ZBTB5: variants seen among roughly 807,000 people sequenced by gnomAD.
ZBTB5 encodes the protein zinc finger and BTB domain-containing protein 5.
ZBTB5 carries 15 observed loss-of-function variants against 37.9 expected under a neutral mutation model. That is an observed-to-expected ratio of 0.40 (90% CI 0.26 to 0.61). The LOEUF is 0.61. ZBTB5 is among the 20% of genes least tolerant of loss of function. The pLI is 0.47. For synonymous variants in ZBTB5, 315 were observed against 312.4 expected (o/e 1.01, Z -0.09); for missense variants, 708 against 856.8 (o/e 0.83, Z 2.17).
At chr9:37,462,680 C>T (rs534260812) in intron 1 of ZBTB5, among the ~76,000 whole-genome samples, 16 of 151,934 alleles carry the variant, frequency 1.1e-4, no homozygotes, top group Non-Finnish European at 1.8e-4. Context: ...TCTTCCGCCT[C>T]GGCCTCCTGA....
At chr9:37,450,560 A>G (rs918438162) in intron 1 of ZBTB5, among the ~76,000 whole-genome samples, 2 of 152,220 alleles carry the variant, frequency 1.3e-5, no homozygotes, top group African/African-American at 2.4e-5. Context: ...GGAGATGTCA[A>G]TAGATAATGC....
chr9:37,458,277 G>C (rs1056307934), intron 1 of ZBTB5, among the ~76,000 whole-genome samples: 2 of 152,198 alleles, frequency 1.3e-5, no homozygotes, highest in African/African-American at 4.8e-5. Flanking sequence ...CCCTACATCT[G>C]TTATTAAGTC....
intron 1 of ZBTB5, among the ~76,000 whole-genome samples, chr9:37,448,831 G>A (rs1307477790): frequency 1.3e-5 from 2 of 152,234 alleles, no homozygotes; most frequent in Non-Finnish European, 2.9e-5. Flanking sequence ...CAAACACGAG[G>A]TCAAGAGAGC....
At position 37,439,656 on chromosome 9, in the gene ZBTB5, TG is replaced by T. The variant is rs1823818709; in HGVS notation, c.*861del. The T allele has an allele frequency of 6.6e-6, 1 of 152,152 alleles. No homozygotes were observed. The highest frequency in any genetic ancestry group is 1.5e-5 in the Non-Finnish European group (1 of 68,040). 9.4% of individuals were successfully genotyped at this position (152,152 alleles called of 1,614,324 possible). A position where few individuals can be genotyped will look rare whatever the true frequency, so the allele number is the denominator to read the frequency against. On this transcript the variant is annotated 3_prime_UTR_variant, in exon 2 of 2. Coordinates refer to ENST00000307750, the MANE Select transcript of ZBTB5 (RefSeq NM_014872.3). The stretch of plus-strand genomic sequence containing the variant: ...GACGGAGCAACAGGTAAATGTGCCA[TG>T]GAAGACCCCACAAAACATGACTCCA...
At chr9:37,445,095 GAAAAA>G (rs768158327) in intron 1 of ZBTB5, among the ~76,000 whole-genome samples, 1 of 139,154 alleles carries the variant, frequency 7.2e-6, no homozygotes, top group Admixed American at 7.2e-5. Context: ...TTAACTCCAG[GAAAAA>G]AAAAAAAGGT....
chr9:37,445,997 C>T (rs1418968322), intron 1 of ZBTB5, among the ~76,000 whole-genome samples: 1 of 152,076 alleles, frequency 6.6e-6, no homozygotes, highest in East Asian at 1.9e-4. Context: ...TCCCAGTGTA[C>T]TTGGGAGGCT....
intron 1 of ZBTB5, among the ~76,000 whole-genome samples, chr9:37,450,028 C>T (rs1824073410): frequency 6.6e-6 from 1 of 152,102 alleles, no homozygotes; most frequent in Admixed American, 6.6e-5. Context: ...TCCCCATGTG[C>T]TATATAAACG....
intron 1 of ZBTB5, among the ~76,000 whole-genome samples, chr9:37,455,632 C>T (rs1824173109): frequency 6.6e-6 from 1 of 152,214 alleles, no homozygotes; most frequent in Non-Finnish European, 1.5e-5. Flanking sequence ...TGTGCTCCTC[C>T]TCCTGTAAAG....
In ZBTB5 at chr9:37,441,094, C is replaced by T; in HGVS notation, c.1458G>A (p.Met486Ile). 1 of 1,614,120 alleles carries T rather than the reference C, an allele frequency of 6.2e-7. No homozygotes were observed. Among genetic ancestry groups the T allele is most frequent in the South Asian group, 1.1e-5 (1 of 91,082 alleles). ...SHFVRPMQEV[M>I]GLPCVQTSGY... ...CTGAAGTCTGCACACACGGCAGGCC[C>T]ATCACCTCCTGCATAGGCCTGACGA... The change falls in exon 2 of 2, where the codon ATG (methionine) becomes ATA (isoleucine). Residue 486 changes from methionine (M) to isoleucine (I), a missense_variant. By Grantham distance (10) the Met-to-Ile change is conservative (BLOSUM62 1). Transcript: ENST00000307750.
chr9:37,441,115 G>A lies in ZBTB5; in HGVS notation c.1437C>T (p.Val479=). 1 of 1,614,050 alleles carries A rather than the reference G, an allele frequency of 6.2e-7. No homozygotes were observed. Among genetic ancestry groups the A allele is most frequent in the Non-Finnish European group, 8.5e-7 (1 of 1,180,002 alleles). The change falls in exon 2 of 2, where the codon GTC becomes GTT. Residue 479 remains valine (V), a synonymous_variant. Transcript: ENST00000307750. Reference sequence around the variant, plus strand: ...GGCCCATCACCTCCTGCATAGGCCTGACGAAGTGGGAGTCTGCAGGTTCAC... The same window carrying A: ...GGCCCATCACCTCCTGCATAGGCCTAACGAAGTGGGAGTCTGCAGGTTCAC... ...PFSEPADSHF[V]RPMQEVMGLP...
chr9:37,464,227 C>T (rs1824346592), intron 1 of ZBTB5, among the ~76,000 whole-genome samples: 1 of 152,232 alleles, frequency 6.6e-6, no homozygotes, highest in African/African-American at 2.4e-5. Context: ...GACTAAGGCA[C>T]AGCATTCTCT....
intron 1 of ZBTB5, among the ~76,000 whole-genome samples, chr9:37,453,732 T>A (rs1459232402): frequency 1.3e-5 from 2 of 152,144 alleles, no homozygotes; most frequent in Admixed American, 1.3e-4. Context: ...CCACTCTCCT[T>A]GATTACAGTG....
At chr9:37,449,694 CAAAAAAAA>C (rs60696023) in intron 1 of ZBTB5, among the ~76,000 whole-genome samples, 1 of 50,088 alleles carries the variant, frequency 2.0e-5, no homozygotes, top group Non-Finnish European at 4.5e-5. Context: ...ATGAGACTCT[CAAAAAAAA>C]AAAAAAAAAA....
At chr9:37,455,957 T>C (rs981198383) in intron 1 of ZBTB5, among the ~76,000 whole-genome samples, 19 of 151,432 alleles carry the variant, frequency 1.3e-4, no homozygotes, top group Non-Finnish European at 2.4e-4. Context: ...TTTTTTTTTT[T>C]TTCTTTTTTT....
At chr9:37,451,458 T>C (rs988460567) in intron 1 of ZBTB5, among the ~76,000 whole-genome samples, 2 of 147,508 alleles carry the variant, frequency 1.4e-5, no homozygotes, top group African/African-American at 5.1e-5. Context: ...TTTGGGAGGC[T>C]GAGGCACAAC....
At chr9:37,445,405 G>A (rs1394169066) in intron 1 of ZBTB5, among the ~76,000 whole-genome samples, 2 of 152,218 alleles carry the variant, frequency 1.3e-5, no homozygotes, top group Non-Finnish European at 2.9e-5. Context: ...CGCTTTGGGA[G>A]ACCGAGGTAG....
In ZBTB5 at chr9:37,453,606, A is replaced by G. The variant is rs191509451; in HGVS notation, c.-4-11051T>C. 1.9e-3 allele frequency among the ~76,000 whole-genome samples: 296 copies of G among 152,306 alleles called. 2 individuals carry two copies. The highest frequency in any genetic ancestry group is 6.8e-3 in the African/African-American group (282 of 41,580). On this transcript the variant is annotated intron_variant, in intron 1 of 1. Transcript: ENST00000307750. ...GGGGGTCCCTCTATGTCATTGGAGAAAATCACTTCCCACCCATTCTTAGTC... is the reference window on the plus strand; with the variant it reads ...GGGGGTCCCTCTATGTCATTGGAGAGAATCACTTCCCACCCATTCTTAGTC...
chr9:37,442,128 G>C lies in ZBTB5; in HGVS notation c.424C>G (p.Arg142Gly), dbSNP rs775683324. The C allele has an allele frequency of 6.2e-7, 1 of 1,614,184 alleles. No homozygotes were observed. The highest frequency in any genetic ancestry group is 1.3e-5 in the African/African-American group (1 of 75,058). Residue 142 changes from arginine (R) to glycine (G), a missense_variant, in exon 2 of 2, where the codon CGC becomes GGC. Transcript: ENST00000307750. ...RVQEQSARMQ[R>G]SFMLQQLGLS... ...CCCAGCTGCTGTAGCATAAAGGAGC[G>C]CTGCATGCGGGCGCTCTGCTCCTGA...
At chr9:37,456,500 C>A (rs1229498907) in intron 1 of ZBTB5, among the ~76,000 whole-genome samples, 1 of 152,176 alleles carries the variant, frequency 6.6e-6, no homozygotes, top group Non-Finnish European at 1.5e-5. Context: ...CAGGAAAATT[C>A]CACTAGTGAC....
Sources: gnomAD v4.1 joint callset for allele counts (sites outside exome capture counted in the v4.1 genomes callset) on GRCh38, gnomAD v4.1.1 for gene constraint, MANE v1.5 for transcripts, NCBI Gene and HGNC (gene_info 2026-07-23, HGNC 2026-07-21) for gene names.